The following DNMT3A variants were observed in gnomAD, a reference collection of about 807,000 sequenced individuals.
DNMT3A encodes the protein DNA (cytosine-5)-methyltransferase 3A.
Under a neutral mutation model 117.6 loss-of-function variants are expected in DNMT3A, and 267 were observed. The ratio of observed to expected loss-of-function variants is 2.27; its 90% CI spans 2.05 to 2.51. The LOEUF is 2.51. DNMT3A is among the 30% of genes most tolerant of loss of function. The pLI, the probability that DNMT3A is intolerant of heterozygous loss-of-function variation, is 0.00. For synonymous variants in DNMT3A, 432 were observed against 474.8 expected, an observed-to-expected ratio of 0.91 and a Z score of 1.17; for missense variants, 1,029 against 1,260.2, an observed-to-expected ratio of 0.82 and a Z score of 2.78.
intron 5 of DNMT3A, among the ~76,000 whole-genome samples, 153 bp from the exon 6 acceptor site, chr2:25,275,240 G>A (rs546354300): frequency 1.3e-5 from 2 of 152,316 alleles, no homozygotes; most frequent in Non-Finnish European, 2.9e-5. Context: ...CTGGAGGAGC[G>A]AGGGGCATGT....
Position 25,282,641 on chromosome 2 carries a change from C to A in DNMT3A, c.248G>T (p.Gly83Val). 1 of 1,611,952 alleles carries A rather than the reference C, an allele frequency of 6.2e-7. No individual in the cohort carries two copies. The highest frequency in any genetic ancestry group is 8.5e-7 in the Non-Finnish European group (1 of 1,179,014). Residue 83 changes from glycine (G) to valine (V), a missense_variant, in exon 4 of 23, where the codon GGC (glycine) becomes GTC (valine). By Grantham distance (109) the Gly-to-Val change is moderately radical. Transcript: ENST00000321117. The surrounding 1 kb of genome is among the most constrained non-coding windows in gnomAD (Gnocchi z 5.2). ...SKSPSMAQDSGASELLPNGDL... is the reference protein window; with the variant it reads ...SKSPSMAQDSVASELLPNGDL... ...CCCATTGGGTAATAGCTCTGAGGCG[C>A]CTGAGTCCTGGGCCATGGATGGGGA...
At position 25,294,723 on chromosome 2, in the gene DNMT3A, C is replaced by T. The variant is rs1301512158; in HGVS notation, c.177+5416G>A. 6.6e-6 allele frequency among the ~76,000 whole-genome samples: 1 copy of T among 152,196 alleles called. No homozygotes were observed. The highest frequency in any genetic ancestry group is 2.4e-5 in the African/African-American group (1 of 41,448). ...GTACCTAGCTGACTTTTGCCTGCAG[C>T]AGAATGGTTCCCTGACTTCCCCATT... On this transcript the variant is annotated intron_variant, in intron 3 of 22. Coordinates refer to ENST00000321117, the MANE Select transcript of DNMT3A (RefSeq NM_022552.5). The surrounding 1 kb of genome is among the most constrained non-coding windows in gnomAD (Gnocchi z 4.7).
chr2:25,325,120 G>A (rs2034736088), intron 1 of DNMT3A, among the ~76,000 whole-genome samples: 1 of 151,796 alleles, frequency 6.6e-6, no homozygotes, highest in African/African-American at 2.4e-5. Flanking sequence ...TGGTTGCCAT[G>A]ACACAGCCCC....
intron 2 of DNMT3A, 29 bp downstream of exon 2, chr2:25,313,884 G>A: frequency 6.5e-7 from 1 of 1,548,988 alleles, no homozygotes; most frequent in Non-Finnish European, 8.7e-7. Flanking sequence ...TCCCAGGCCA[G>A]AGGGTCCCCA....
rs1296823662 is a variant in DNMT3A, at chr2:25,254,520, C to A, written c.640-6268G>T. 2.0e-5 allele frequency among the ~76,000 whole-genome samples: 3 copies of A among 152,130 alleles called. No individual in the cohort carries two copies. Among genetic ancestry groups the A allele is most frequent in the African/African-American group, 7.2e-5 (3 of 41,408 alleles). On this transcript the variant is annotated intron_variant, in intron 6 of 22. Transcript: ENST00000321117. This position sits in a 1 kb window ranked among gnomAD's most constrained non-coding sequence, Gnocchi z 4.7. Reference sequence around the variant, plus strand: ...AAACACAGGCCCTCTTCTGTTCCAACCCATCTTTCAACCCAACTAAGGTAT... The same window carrying A: ...AAACACAGGCCCTCTTCTGTTCCAAACCATCTTTCAACCCAACTAAGGTAT...
intron 2 of DNMT3A, among the ~76,000 whole-genome samples, chr2:25,307,061 C>T (rs926428034): frequency 6.6e-6 from 1 of 152,222 alleles, no homozygotes; most frequent in Non-Finnish European, 1.5e-5. Context: ...GGATGAGGAA[C>T]CTCTGACCAT....
intron 6 of DNMT3A, among the ~76,000 whole-genome samples, chr2:25,272,000 T>C (rs2030948203): frequency 6.6e-6 from 1 of 152,226 alleles, no homozygotes; most frequent in South Asian, 2.1e-4. Flanking sequence ...CTGTTTTGTT[T>C]TTTTGAGACA....
chr2:25,234,497 C>G lies in DNMT3A; in HGVS notation c.2598-77G>C. The G allele has an allele frequency of 6.6e-7, 1 of 1,510,796 alleles. No individual in the cohort carries two copies. Among genetic ancestry groups the G allele is most frequent in the East Asian group, 2.4e-5 (1 of 41,772 alleles). The allele number at this position is 1,510,796 out of a possible 1,614,324, so 93.6% of individuals were successfully genotyped here. A position where few individuals can be genotyped will look rare whatever the true frequency, so the allele number is the denominator to read the frequency against. Reference sequence around the variant, plus strand: ...GCCCGGAAGCCGTCTAACCACACAGCAGGACCCGGAGGACCAGCAGCCACC... The same window carrying G: ...GCCCGGAAGCCGTCTAACCACACAGGAGGACCCGGAGGACCAGCAGCCACC... On this transcript the variant is annotated intron_variant, in intron 22 of 22. Coordinates refer to ENST00000321117, the MANE Select transcript of DNMT3A (RefSeq NM_022552.5). This position sits in a 1 kb window ranked among gnomAD's most constrained non-coding sequence, Gnocchi z 4.5.
intron 2 of DNMT3A, among the ~76,000 whole-genome samples, chr2:25,310,528 C>G (rs1202982400): frequency 6.6e-6 from 1 of 152,264 alleles, no homozygotes; most frequent in African/African-American, 2.4e-5. Context: ...CTGTACACTC[C>G]CAGCCACAGC....
At position 25,296,185 on chromosome 2, in the gene DNMT3A, G is replaced by A. The variant is rs989763948; in HGVS notation, c.177+3954C>T. On this transcript the variant is annotated intron_variant, in intron 3 of 22. Transcript: ENST00000321117. This position sits in a 1 kb window ranked among gnomAD's most constrained non-coding sequence, Gnocchi z 4.2. ...TGTGTGATCGGTGGGCTTGGAACTT[G>A]TCTTTATCAGTTCATTTTTATTAAC... Among the ~76,000 whole-genome samples the A allele has an allele frequency of 6.6e-6, 1 of 152,162 alleles. No individual in the cohort carries two copies. Among genetic ancestry groups the A allele is most frequent in the African/African-American group, 2.4e-5 (1 of 41,416 alleles).
At chr2:25,308,181 C>A (rs984248822) in intron 2 of DNMT3A, among the ~76,000 whole-genome samples, 21 of 152,058 alleles carry the variant, frequency 1.4e-4, no homozygotes, top group Non-Finnish European at 4.4e-5. Context: ...GGTAGGTAGG[C>A]AGGTAGGTGG....
rs966630545 is a variant in DNMT3A at position 25,286,733 on chromosome 2, TG to T, written c.178-4023del. Among the ~76,000 whole-genome samples the T allele has an allele frequency of 6.6e-6, 1 of 152,180 alleles. No individual in the cohort carries two copies. Among genetic ancestry groups the T allele is most frequent in the African/African-American group, 2.4e-5 (1 of 41,444 alleles). ...GGCCTGAAGCAACTGTCCAAGTCTCTGGGGAAGAGCTGGGTGCTCACTGAAG... is the reference window on the plus strand; with the variant it reads ...GGCCTGAAGCAACTGTCCAAGTCTCTGGGAAGAGCTGGGTGCTCACTGAAG... On this transcript the variant is annotated intron_variant, in intron 3 of 22. Coordinates refer to ENST00000321117, the MANE Select transcript of DNMT3A (RefSeq NM_022552.5). The surrounding 1 kb of genome is among the most constrained non-coding windows in gnomAD (Gnocchi z 4.3).
rs74711409 is a variant in DNMT3A at position 25,293,011 on chromosome 2, GAA to G, written c.177+7126_177+7127del. ...AAAATAAACAGAGGGATTATTTTTGGAAAAAAAAAAAAAGGAGATTCTGAGAT... is the reference window on the plus strand; with the variant it reads ...AAAATAAACAGAGGGATTATTTTTGGAAAAAAAAAAAGGAGATTCTGAGAT... On this transcript the variant is annotated intron_variant, in intron 3 of 22. Transcript: ENST00000321117. This position sits in a 1 kb window ranked among gnomAD's most constrained non-coding sequence, Gnocchi z 4.7. Among the ~76,000 whole-genome samples, 2 of 139,552 alleles carry G rather than the reference GAA, an allele frequency of 1.4e-5. No homozygotes were observed. The highest frequency in any genetic ancestry group is 1.6e-5 in the Non-Finnish European group (1 of 63,412). The allele number at this position is 139,552 out of a possible 152,430, so 91.6% of individuals were successfully genotyped here.
intron 3 of DNMT3A, among the ~76,000 whole-genome samples, chr2:25,291,143 T>G (rs1465667103): frequency 3.3e-5 from 5 of 152,082 alleles, no homozygotes; most frequent in Non-Finnish European, 7.4e-5. Flanking sequence ...AGTGAGCCCC[T>G]CCACTCCCAC....
intron 1 of DNMT3A, among the ~76,000 whole-genome samples, chr2:25,334,932 TTTG>T (rs2035151484): frequency 6.6e-6 from 1 of 152,244 alleles, no homozygotes; most frequent in Non-Finnish European, 1.5e-5. Context: ...TAGTTTTATT[TTTG>T]TTGTTGTCAT....
chr2:25,330,820 A>T (rs1461177330), intron 1 of DNMT3A, among the ~76,000 whole-genome samples: 1 of 152,208 alleles, frequency 6.6e-6, no homozygotes, highest in Non-Finnish European at 1.5e-5. Context: ...GAAAACAGGA[A>T]CTGACCCCCA....
chr2:25,282,280 G>A lies in DNMT3A; in HGVS notation c.448+161C>T. 7.0e-7 allele frequency: 1 copy of A among 1,436,066 alleles called. No individual in the cohort carries two copies. The highest frequency in any genetic ancestry group is 9.1e-7 in the Non-Finnish European group (1 of 1,095,090). 89.0% of individuals were successfully genotyped at this position (1,436,066 alleles called of 1,614,324 possible). On this transcript the variant is annotated intron_variant, in intron 4 of 22. Coordinates refer to ENST00000321117, the MANE Select transcript of DNMT3A (RefSeq NM_022552.5). This position sits in a 1 kb window ranked among gnomAD's most constrained non-coding sequence, Gnocchi z 5.2. ...ATGGGCCAAATAAAACATATGCGCAGGCTGCATCCAGCCAGTAGCCTCCAG... is the reference window on the plus strand; with the variant it reads ...ATGGGCCAAATAAAACATATGCGCAAGCTGCATCCAGCCAGTAGCCTCCAG...
rs369246432 is a variant in DNMT3A at position 25,257,836 on chromosome 2, T to C, written c.640-9584A>G. ...GGGTAATTCTAATACTAGCCAGGTG[T>C]GGAAACACGGAGACCCTGGCTGTGT... On this transcript the variant is annotated intron_variant, in intron 6 of 22. Transcript: ENST00000321117. This position sits in a 1 kb window ranked among gnomAD's most constrained non-coding sequence, Gnocchi z 4.8. Among the ~76,000 whole-genome samples, 176 of 152,188 alleles carry C rather than the reference T, an allele frequency of 1.2e-3. No individual in the cohort carries two copies. Among genetic ancestry groups the C allele is most frequent in the African/African-American group, 4.0e-3 (168 of 41,490 alleles).
At chr2:25,253,767 G>A (rs1007441325) in intron 6 of DNMT3A, among the ~76,000 whole-genome samples, 3 of 152,154 alleles carry the variant, frequency 2.0e-5, no homozygotes, top group African/African-American at 7.2e-5. Flanking sequence ...TTTGGGCAGC[G>A]GCACTTGTTA....
Sources: gnomAD v4.1 joint callset for allele counts (sites outside exome capture counted in the v4.1 genomes callset) on GRCh38, gnomAD v4.1.1 for gene constraint, Gnocchi (gnomAD v3.1) non-coding constraint, MANE v1.5 for transcripts, NCBI Gene and HGNC (gene_info 2026-07-23, HGNC 2026-07-21) for gene names.